The following PTGER3 variants were observed in gnomAD, a reference collection of about 807,000 sequenced individuals.
The protein encoded by PTGER3 is prostaglandin E receptor 3, also known as prostaglandin E2 receptor EP3 subtype.
In PTGER3, 22 loss-of-function variants were observed where a neutral mutation model predicts 34.7. That is an observed-to-expected ratio of 0.63 (90% CI 0.45 to 0.91). The LOEUF is 0.91. Among genes scored for constraint, PTGER3 ranks in the 40% least tolerant of loss-of-function variants. The pLI, the probability that PTGER3 is intolerant of heterozygous loss-of-function variation, is 0.00. For missense variants in PTGER3, 468 were observed against 519.4 expected, an observed-to-expected ratio of 0.90 and a Z score of 0.96; for synonymous variants, 241 against 230.1, an observed-to-expected ratio of 1.05 and a Z score of -0.43.
At chr1:71,008,401 T>A in intron 2 of PTGER3, 1 of 877,040 alleles carries the variant, frequency 1.1e-6, no homozygotes, top group Non-Finnish European at 1.4e-6. Context: ...TAAACTTATA[T>A]AAATTATAAC....
intron 3 of PTGER3, among the ~76,000 whole-genome samples, chr1:70,953,532 C>A (rs1262224144): frequency 2.0e-5 from 3 of 152,122 alleles, no homozygotes; most frequent in Non-Finnish European, 2.9e-5. Flanking sequence ...TATATGGGGG[C>A]AAAGACCTTT....
intron 1 of PTGER3, among the ~76,000 whole-genome samples, chr1:71,024,784 A>G (rs920967803): frequency 2.0e-5 from 3 of 150,792 alleles, no homozygotes; most frequent in Non-Finnish European, 4.4e-5. Flanking sequence ...TGAACTACTG[A>G]TCTCAGGTGA....
At chr1:71,010,249 T>C (rs1039801584) in intron 2 of PTGER3, 1 of 983,966 alleles carries the variant, frequency 1.0e-6, no homozygotes, top group Non-Finnish European at 1.2e-6. Context: ...AAGCACTGTG[T>C]TGTACAGCAG....
chr1:70,971,240 A>G lies in PTGER3; in HGVS notation c.*490T>C, dbSNP rs1452844255. The G allele has an allele frequency of 1.0e-6, 1 of 985,312 alleles. No homozygotes were observed. The highest frequency in any genetic ancestry group is 1.2e-6 in the Non-Finnish European group (1 of 829,994). 61.0% of individuals were successfully genotyped at this position (985,312 alleles called of 1,614,324 possible). A position where few individuals can be genotyped will look rare whatever the true frequency, so the allele number is the denominator to read the frequency against. Reference sequence around the variant, plus strand: ...TTTGTCACGATTCCCTCCTGCCCTCATTTGCTTTTATATGTCGTTAAGTTC... The same window carrying G: ...TTTGTCACGATTCCCTCCTGCCCTCGTTTGCTTTTATATGTCGTTAAGTTC... On this transcript the variant is annotated 3_prime_UTR_variant, in exon 4 of 4. Coordinates refer to ENST00000306666, the MANE Select transcript of PTGER3 (RefSeq NM_198719.2).
intron 2 of PTGER3, among the ~76,000 whole-genome samples, chr1:70,991,806 T>A (rs1289547100): frequency 6.6e-6 from 1 of 152,044 alleles, no homozygotes; most frequent in Non-Finnish European, 1.5e-5. Context: ...TATGAGAGAG[T>A]GACAGTGATT....
At chr1:71,001,733 A>C (rs1656508936) in intron 2 of PTGER3, among the ~76,000 whole-genome samples, 1 of 152,206 alleles carries the variant, frequency 6.6e-6, no homozygotes, top group South Asian at 2.1e-4. Context: ...CAGATGAGGT[A>C]CTAAGCCTAA....
At chr1:71,008,198 A>C in intron 2 of PTGER3, 1 of 945,560 alleles carries the variant, frequency 1.1e-6, no homozygotes, top group East Asian at 1.2e-4. Flanking sequence ...GAAGAAATAC[A>C]TAATCTAGTA....
chr1:70,875,298 T>C (rs1646250510), intron 4 of PTGER3, among the ~76,000 whole-genome samples: 1 of 152,180 alleles, frequency 6.6e-6, no homozygotes, highest in African/African-American at 2.4e-5. Context: ...GTCCTGCTGT[T>C]GACATTAAAA....
chr1:70,898,791 C>T lies in PTGER3; in HGVS notation c.*24-45932G>A, dbSNP rs1308555152. 2.6e-5 allele frequency among the ~76,000 whole-genome samples: 4 copies of T among 152,162 alleles called. No individual in the cohort carries two copies. The East Asian group carries it at 7.7e-4, about 29-fold the overall frequency. ...GCATATAAAATAGTGAACATATTAC[C>T]TAGTTAATAATATACAGTGATATAA... is the stretch of plus-strand genomic sequence containing the variant. On this transcript the variant is annotated intron_variant, in intron 4 of 4. Transcript: ENST00000370931.
At chr1:70,978,019 T>C (rs1418881475) in intron 2 of PTGER3, among the ~76,000 whole-genome samples, 1 of 152,132 alleles carries the variant, frequency 6.6e-6, no homozygotes, top group Non-Finnish European at 1.5e-5. Context: ...GGTACTCTTA[T>C]CATCTTCACT....
chr1:70,856,137 G>A (rs1174570257), intron 4 of PTGER3, among the ~76,000 whole-genome samples: 1 of 152,060 alleles, frequency 6.6e-6, no homozygotes, highest in African/African-American at 2.4e-5. Flanking sequence ...CTTCCAAGGT[G>A]TCTATCACTA....
At chr1:71,037,000 G>C (rs1659893059) in intron 1 of PTGER3, among the ~76,000 whole-genome samples, 1 of 152,164 alleles carries the variant, frequency 6.6e-6, no homozygotes, top group Non-Finnish European at 1.5e-5. Flanking sequence ...TTTGTGCTCG[G>C]AGAATTGCAG....
chr1:70,942,531 T>C (rs1245553621), intron 4 of PTGER3, among the ~76,000 whole-genome samples: 1 of 152,198 alleles, frequency 6.6e-6, no homozygotes, highest in Non-Finnish European at 1.5e-5. Flanking sequence ...CTCTTGCATT[T>C]ATACCTTTGT....
At chr1:70,908,407 G>A (rs1027253100) in intron 4 of PTGER3, among the ~76,000 whole-genome samples, 4 of 152,072 alleles carry the variant, frequency 2.6e-5, no homozygotes, top group Non-Finnish European at 2.9e-5. Context: ...GACAGGAGGC[G>A]GTGTACTGAT....
chr1:71,028,372 C>A (rs1185163639), intron 1 of PTGER3, among the ~76,000 whole-genome samples: 2 of 152,140 alleles, frequency 1.3e-5, no homozygotes, highest in Non-Finnish European at 2.9e-5. Context: ...AAGAGAGATG[C>A]GGCAAACTTT....
At chr1:70,888,009 T>G (rs1030030188) in intron 4 of PTGER3, among the ~76,000 whole-genome samples, 2 of 152,256 alleles carry the variant, frequency 1.3e-5, no homozygotes, top group Non-Finnish European at 2.9e-5. Context: ...TGTTTCTGTC[T>G]TTCATTTTGG....
rs192263292 is a variant in PTGER3 at position 70,962,674 on chromosome 1, C to T, written c.1078-8885G>A. 2.4e-4 allele frequency among the ~76,000 whole-genome samples: 37 copies of T among 152,260 alleles called. 1 individual carries two copies. The highest frequency in any genetic ancestry group is 9.2e-4 in the Admixed American group (14 of 15,296). Reference sequence around the variant, plus strand: ...CTTATTCACCATGATGAGAACAGAACAGGAAAGACCTGACCCCATGATTCA... The same window carrying T: ...CTTATTCACCATGATGAGAACAGAATAGGAAAGACCTGACCCCATGATTCA... On this transcript the variant is annotated intron_variant, in intron 2 of 3. Coordinates refer to the PTGER3 transcript ENST00000356595.
At chr1:70,995,501 A>G (rs902588925) in intron 2 of PTGER3, among the ~76,000 whole-genome samples, 2 of 152,210 alleles carry the variant, frequency 1.3e-5, no homozygotes, top group Non-Finnish European at 2.9e-5. Context: ...CTCTAAAGAA[A>G]GTATGAAAGT....
chr1:71,013,101 CT>C (rs927695924), intron 1 of PTGER3, among the ~76,000 whole-genome samples: 9 of 152,180 alleles, frequency 5.9e-5, no homozygotes, highest in Admixed American at 3.3e-4. Flanking sequence ...TTATACTTTT[CT>C]TTGCCCCCAC....
Sources: allele counts gnomAD v4.1 joint callset (sites outside exome capture counted in the v4.1 genomes callset), GRCh38; gene constraint gnomAD v4.1.1; transcripts MANE v1.5; gene names NCBI Gene and HGNC (gene_info 2026-07-23, HGNC 2026-07-21).